The following BAZ2A variants were observed in gnomAD, a reference collection of about 807,000 sequenced individuals.
BAZ2A encodes the protein bromodomain adjacent to zinc finger domain 2A.
In BAZ2A, 34 loss-of-function variants were observed where a neutral mutation model predicts 199.9. That is an observed-to-expected ratio of 0.17 (90% CI 0.13 to 0.23). The LOEUF (loss-of-function observed/expected upper bound fraction) is 0.23. Ranked by LOEUF, BAZ2A falls within the 10% of genes least tolerant of loss-of-function variation. The pLI is 1.00. For synonymous variants in BAZ2A, 857 were observed against 883.9 expected (o/e 0.97, Z 0.54); for missense variants, 2,002 against 2,391.1 (o/e 0.84, Z 3.39).
chr12:56,609,638 T>A, intron 10 of BAZ2A, 98 bp downstream of exon 10: 1 of 1,257,702 alleles, frequency 8.0e-7, no homozygotes, highest in East Asian at 2.5e-5. Flanking sequence ...CAGATAATGT[T>A]AGTTACACTC....
intron 6 of BAZ2A, 54 bp downstream of exon 6, chr12:56,611,719 G>C: frequency 6.6e-7 from 1 of 1,523,192 alleles, no homozygotes; most frequent in South Asian, 1.3e-5. Context: ...TACAACATGG[G>C]ACAGAAAAGT....
intron 4 of BAZ2A, 80 bp downstream of exon 4, chr12:56,613,873 T>C (rs1016285549): frequency 6.2e-5 from 89 of 1,442,104 alleles, no homozygotes; most frequent in Non-Finnish European, 8.2e-5. Flanking sequence ...CCTAATACTT[T>C]TCCCATTTTA....
chr12:56,617,457 G>A lies in BAZ2A; in HGVS notation c.74C>T (p.Pro25Leu), dbSNP rs752380182. 3 of 1,608,550 alleles carry A rather than the reference G, an allele frequency of 1.9e-6. No individual in the cohort carries two copies. The highest frequency in any genetic ancestry group is 2.5e-6 in the Non-Finnish European group (3 of 1,177,642). Residue 25 changes from proline to leucine, a missense_variant, in exon 2 of 29, where the codon CCT (proline) becomes CTT (leucine). By Grantham distance (98) the Pro-to-Leu change is moderately conservative. Coordinates refer to ENST00000549884, the MANE Select transcript of BAZ2A (RefSeq NM_001300905.2). ...AGTGTAGAGGCCCTCCCCTGAGGAA[G>A]GAGAGGGTTTCAGTCCTGAGGCAGC... ...APAASGLKPS[P>L]SSGEGLYTNG... is the part of the protein sequence containing the mutation.
At chr12:56,606,093 C>A (rs1321316180) in intron 12 of BAZ2A, 30 bp from the exon 13 acceptor site, 2 of 1,549,722 alleles carry the variant, frequency 1.3e-6, no homozygotes, top group South Asian at 2.4e-5. Flanking sequence ...ACCAAGACTG[C>A]CATAAAGATA....
rs1163342522 is a variant in BAZ2A at position 56,611,595 on chromosome 12, C to T, written c.1648G>A (p.Val550Ile). The change falls in exon 7 of 29, where the codon GTT becomes ATT. Residue 550 changes from valine to isoleucine, a missense_variant. Around this residue, in one of 6 missense-constraint regions of BAZ2A, gnomAD observed 641 missense variants for 694.5 expected, o/e 0.92. Coordinates refer to ENST00000549884, the MANE Select transcript of BAZ2A (RefSeq NM_001300905.2). ...MRRRIATPEE[V>I]RLPLQHGWRR... Reference sequence around the variant, plus strand: ...TACCCATGTTGGAGGGGAAGACGAACTTCTTCTGGGGTAGCAATACGTCTC... The same window carrying T: ...TACCCATGTTGGAGGGGAAGACGAATTTCTTCTGGGGTAGCAATACGTCTC... 6.2e-7 allele frequency: 1 copy of T among 1,613,116 alleles called. No homozygotes were observed. Among genetic ancestry groups the T allele is most frequent in the South Asian group, 1.1e-5 (1 of 90,848 alleles).
chr12:56,596,782 C>G lies in BAZ2A; in HGVS notation c.*1836G>C, dbSNP rs919606266. Reference sequence around the variant, plus strand: ...ACCTCTTAAAAGCAAAAAAAAATCTCAAATAAAATTAAAAGTTTTGAGGTT... The same window carrying G: ...ACCTCTTAAAAGCAAAAAAAAATCTGAAATAAAATTAAAAGTTTTGAGGTT... On this transcript the variant is annotated 3_prime_UTR_variant, in exon 29 of 29. Transcript: ENST00000549884. The G allele has an allele frequency of 6.6e-6, 1 of 152,402 alleles. No individual in the cohort carries two copies. The highest frequency in any genetic ancestry group is 2.4e-5 in the African/African-American group (1 of 41,386). 9.4% of individuals were successfully genotyped at this position (152,402 alleles called of 1,614,324 possible). A position where few individuals can be genotyped will look rare whatever the true frequency, so the allele number is the denominator to read the frequency against.
chr12:56,603,521 T>C lies in BAZ2A; in HGVS notation c.3218A>G (p.Glu1073Gly), dbSNP rs1475375680. 4.3e-6 allele frequency: 7 copies of C among 1,613,882 alleles called. No individual in the cohort carries two copies. The highest frequency in any genetic ancestry group is 2.7e-5 in the African/African-American group (2 of 74,914). The change falls in exon 17 of 29, where the codon GAG (glutamate) becomes GGG (glycine). Residue 1073 changes from glutamate to glycine, a missense_variant and splice_region_variant. By Grantham distance (98) the Glu-to-Gly change is moderately conservative (BLOSUM62 -2). Around this residue, in one of 6 missense-constraint regions of BAZ2A, gnomAD observed 1,081 missense variants for 1,274.7 expected, o/e 0.85. Coordinates refer to ENST00000549884, the MANE Select transcript of BAZ2A (RefSeq NM_001300905.2). ...CTTTCCTTGATCTTGGGCCAGTACC[T>C]CTCCATCTCTTCGACCCCTGCGGCC... is the stretch of plus-strand genomic sequence containing the variant. ...VPGRRGRRDG[E>G]VDATASSIPE...
upstream of BAZ2A, among the ~76,000 whole-genome samples, chr12:56,637,992 G>A (rs1951482741): frequency 6.6e-6 from 1 of 152,174 alleles, no homozygotes; most frequent in African/African-American, 2.4e-5. Flanking sequence ...AACAGTGCTG[G>A]TGATGTGAGA....
At chr12:56,632,471 G>A (rs182524045), upstream of BAZ2A, among the ~76,000 whole-genome samples, 69 of 152,192 alleles carry the variant, frequency 4.5e-4, no homozygotes, top group African/African-American at 1.7e-3. Flanking sequence ...TCAGACGGGT[G>A]TAGCCACGCC....
At position 56,613,971 on chromosome 12, in the gene BAZ2A, A is replaced by T. The variant is rs1426326931; in HGVS notation, c.898T>A (p.Phe300Ile). The T allele has an allele frequency of 6.2e-7, 1 of 1,613,794 alleles. No individual in the cohort carries two copies. Among genetic ancestry groups the T allele is most frequent in the Admixed American group, 1.7e-5 (1 of 60,000 alleles). ...PILSEDSLEPFNSLAPEPVSG... is the reference protein window; with the variant it reads ...PILSEDSLEPINSLAPEPVSG... ...AACCTACCTGGTGCCAGAGAGTTGAAGGGCTCCAGAGAGTCTTCACTGAGG... is the reference window on the plus strand; with the variant it reads ...AACCTACCTGGTGCCAGAGAGTTGATGGGCTCCAGAGAGTCTTCACTGAGG... Residue 300 changes from phenylalanine (F) to isoleucine (I), a missense_variant, in exon 4 of 29, where the codon TTC becomes ATC. Coordinates refer to ENST00000549884, the MANE Select transcript of BAZ2A (RefSeq NM_001300905.2).
chr12:56,603,685 C>A lies in BAZ2A; in HGVS notation c.3054G>T (p.Leu1018=). The change falls in exon 17 of 29, where the codon CTG becomes CTT. Residue 1018 remains leucine (L), a synonymous_variant. Coordinates refer to ENST00000549884, the MANE Select transcript of BAZ2A (RefSeq NM_001300905.2). ...CTTCAGACCGCCCAGTTCGCTTGGC[C>A]AGAACAGTTTTCAGCCTTGAAATAG... ...EGRLRRLKTV[L]AKRTGRSEVE... 1 of 1,613,998 alleles carries A rather than the reference C, an allele frequency of 6.2e-7. No homozygotes were observed. Among genetic ancestry groups the A allele is most frequent in the Non-Finnish European group, 8.5e-7 (1 of 1,179,888 alleles).
At chr12:56,612,741 G>A (rs1565823268) in intron 5 of BAZ2A, among the ~76,000 whole-genome samples, 1 of 152,216 alleles carries the variant, frequency 6.6e-6, no homozygotes, top group African/African-American at 2.4e-5. Context: ...TCCTGCCTCA[G>A]CCTCCCAGGT....
intron 9 of BAZ2A, 27 bp from the exon 10 acceptor site, chr12:56,609,973 G>A (rs778807588): frequency 1.6e-5 from 26 of 1,609,930 alleles, no homozygotes; most frequent in Non-Finnish European, 2.2e-5. Context: ...GACTGTTACA[G>A]TAGTAAGGAA....
At chr12:56,602,998 T>C in intron 18 of BAZ2A, 141 bp from the exon 19 acceptor site, 1 of 1,125,190 alleles carries the variant, frequency 8.9e-7, no homozygotes, top group Non-Finnish European at 1.2e-6. Context: ...CAGAAGGTGA[T>C]TAAGTTTGGG....
At position 56,609,916 on chromosome 12, in the gene BAZ2A, C is replaced by T. The variant is rs1395681888; in HGVS notation, c.1912G>A (p.Glu638Lys). 1 of 1,612,534 alleles carries T rather than the reference C, an allele frequency of 6.2e-7. No homozygotes were observed. Among genetic ancestry groups the T allele is most frequent in the Non-Finnish European group, 8.5e-7 (1 of 1,179,706 alleles). ...GLQWVQLSAE[E>K]IPSRIQAITG... The stretch of plus-strand genomic sequence containing the variant: ...ATTGCCTGAATCCTCGACGGGATCT[C>T]CTCTGCTGAGAGCTGCACCCACTGC... Residue 638 changes from glutamate to lysine, a missense_variant, in exon 10 of 29, where the codon GAG (glutamate) becomes AAG (lysine). Coordinates refer to ENST00000549884, the MANE Select transcript of BAZ2A (RefSeq NM_001300905.2).
intron 1 of BAZ2A, among the ~76,000 whole-genome samples, chr12:56,629,130 G>A (rs1236440243): frequency 6.6e-6 from 1 of 152,130 alleles, no homozygotes; most frequent in African/African-American, 2.4e-5. Context: ...TGATTAAAAT[G>A]GACATTTCAA....
At position 56,602,722 on chromosome 12, in the gene BAZ2A, C is replaced by G. The variant is rs117752378; in HGVS notation, c.3415G>C (p.Gly1139Arg). 6,760 of 1,613,802 alleles carry G rather than the reference C, an allele frequency of 4.2e-3. 32 individuals carry two copies. The highest frequency in any genetic ancestry group is 5.3e-3 in the Non-Finnish European group (6,285 of 1,179,716). ...LAGIFVEGTE[G>R]NLVPEEVIKK... ...CCACAGGCACACCTACCTAAGTTCC[C>G]CTCTGTTCCTTCTACAAAGATACCA... Residue 1139 changes from glycine (G) to arginine (R), a missense_variant, in exon 19 of 29, where the codon GGG becomes CGG. Transcript: ENST00000549884.
At chr12:56,635,068 CT>C, upstream of BAZ2A, 1 of 981,526 alleles carries the variant, frequency 1.0e-6, no homozygotes, top group Non-Finnish European at 1.2e-6. This position sits in a 1 kb window ranked among gnomAD's most constrained non-coding sequence, Gnocchi z 4.1. Flanking sequence ...GGAGGTGGTG[CT>C]TAAAGGGGCA....
chr12:56,610,599 C>G (rs748077389), intron 7 of BAZ2A, 82 bp from the exon 8 acceptor site: 166 of 1,203,660 alleles, frequency 1.4e-4, no homozygotes, highest in Non-Finnish European at 2.0e-4. Context: ...GCCCTCTGAG[C>G]AGATGGCCCT....
Sources: allele counts gnomAD v4.1 joint callset (sites outside exome capture counted in the v4.1 genomes callset), GRCh38; gene constraint gnomAD v4.1.1; regional missense constraint gnomAD v4.1.1; non-coding constraint Gnocchi (gnomAD v3.1); transcripts MANE v1.5; gene names NCBI Gene and HGNC (gene_info 2026-07-23, HGNC 2026-07-21).